MAEA: variants seen among roughly 807,000 people sequenced by gnomAD.
MAEA encodes macrophage erythroblast attacher, E3 ubiquitin ligase.
MAEA carries 22 observed loss-of-function variants against 46.2 expected under a neutral mutation model. The observed-to-expected ratio is 0.48, with a 90% CI of 0.34 to 0.68. The LOEUF is 0.68. Ranked by LOEUF, MAEA falls within the 30% of genes least tolerant of loss-of-function variation. MAEA has a pLI of 0.01. For missense variants in MAEA, 393 were observed against 558.1 expected (o/e 0.70, Z 2.98); for synonymous variants, 246 against 222.6 (o/e 1.11, Z -0.94).
chr4:1,328,266 C>T (rs1395841692), intron 5 of MAEA, among the ~76,000 whole-genome samples: 1 of 152,242 alleles, frequency 6.6e-6, no homozygotes, highest in Non-Finnish European at 1.5e-5. Context: ...TGCTGGCTGT[C>T]ACTGTGGCTC....
At chr4:1,327,416 G>A (rs1160651957) in intron 4 of MAEA, among the ~76,000 whole-genome samples, 1 of 152,222 alleles carries the variant, frequency 6.6e-6, no homozygotes, top group East Asian at 1.9e-4. Flanking sequence ...AGCAGGGGGC[G>A]GGACTCACAT....
intron 4 of MAEA, among the ~76,000 whole-genome samples, chr4:1,324,855 T>C (rs1273593871): frequency 1.4e-5 from 2 of 142,008 alleles, no homozygotes; most frequent in Admixed American, 1.4e-4. Context: ...GTTGGATGAG[T>C]TGAGATTGGA....
intron 1 of MAEA, among the ~76,000 whole-genome samples, chr4:1,299,294 A>T (rs972775069): frequency 1.2e-4 from 18 of 152,260 alleles, no homozygotes; most frequent in Admixed American, 1.2e-3. Flanking sequence ...GTCAGGCCAG[A>T]ACCTTCAGGT....
intron 5 of MAEA, chr4:1,330,323 T>TCTCGTCTCTC: frequency 2.3e-5 from 3 of 129,126 alleles, no homozygotes; most frequent in Non-Finnish European, 2.9e-5. Flanking sequence ...TCTCTCTCTC[T>TCTCGTCTCTC]CTTTCCGTGT....
At chr4:1,310,177 A>T (rs1736312601) in intron 1 of MAEA, among the ~76,000 whole-genome samples, 1 of 134,478 alleles carries the variant, frequency 7.4e-6, no homozygotes. Flanking sequence ...ACACACTCAG[A>T]TAGGGTCTCC....
At chr4:1,328,642 G>A in intron 5 of MAEA, 1 of 1,271,808 alleles carries the variant, frequency 7.9e-7, no homozygotes, top group South Asian at 1.3e-5. Flanking sequence ...AGTGGGCCGG[G>A]TGGCCGAGTG....
chr4:1,314,870 C>T (rs1204366920), intron 2 of MAEA, among the ~76,000 whole-genome samples: 1 of 152,160 alleles, frequency 6.6e-6, no homozygotes, highest in Non-Finnish European at 1.5e-5. Flanking sequence ...TAGTCAGTCG[C>T]CGTGTGTGCT....
At position 1,328,623 on chromosome 4, in the gene MAEA, T is replaced by C. The variant is rs763904494; in HGVS notation, c.656+920T>C. ...ACAGAAACCCGACCGCGACTCCATA[T>C]CCACCTGCAGTGGGCCGGGTGGCCG... On this transcript the variant is annotated intron_variant, in intron 5 of 8. Transcript: ENST00000303400. 12 of 1,247,690 alleles carry C rather than the reference T, an allele frequency of 9.6e-6. No homozygotes were observed. In the East Asian group the frequency reaches 7.0e-4, roughly 72 times the overall value. 77.3% of individuals were successfully genotyped at this position (1,247,690 alleles called of 1,614,324 possible).
intron 4 of MAEA, chr4:1,323,559 A>G (rs555617896): frequency 1.6e-5 from 11 of 702,524 alleles, no homozygotes; most frequent in South Asian, 1.5e-4. Flanking sequence ...AGCTCCCCTA[A>G]AGAGAGTTTG....
intron 4 of MAEA, among the ~76,000 whole-genome samples, chr4:1,326,347 C>T (rs532386243): frequency 4.5e-4 from 69 of 152,366 alleles, no homozygotes; most frequent in African/African-American, 1.5e-3. Context: ...GTGGTGCCCA[C>T]GCCTATATCC....
rs2108957176 is a variant in MAEA at position 1,321,958 on chromosome 4, G to A, written c.457-423G>A. Among the ~76,000 whole-genome samples the A allele has an allele frequency of 2.7e-5, 4 of 150,288 alleles. No homozygotes were observed. The South Asian group carries it at 8.4e-4, about 32-fold the overall frequency. On this transcript the variant is annotated intron_variant, in intron 3 of 8. Coordinates refer to ENST00000303400, the MANE Select transcript of MAEA (RefSeq NM_001017405.3). ...CCATAATGTGTTTATGTATTATTTAGCATGTTATTATTTGCTTACTGTTGA... is the reference window on the plus strand; with the variant it reads ...CCATAATGTGTTTATGTATTATTTAACATGTTATTATTTGCTTACTGTTGA...
chr4:1,312,219 G>A (rs773349581), intron 2 of MAEA, 58 bp downstream of exon 2: 23 of 1,595,802 alleles, frequency 1.4e-5, no homozygotes, highest in South Asian at 1.1e-4. Flanking sequence ...CTTTTGTCTC[G>A]AAAATGAGTC....
At chr4:1,323,173 C>T (rs149850713) in intron 4 of MAEA, among the ~76,000 whole-genome samples, 3,309 of 152,042 alleles carry the variant, frequency 0.022, 119 homozygotes, top group African/African-American at 0.073. Flanking sequence ...TCTTGATCTC[C>T]TGACCTTGTG....
chr4:1,327,133 C>G (rs143432820), intron 4 of MAEA, among the ~76,000 whole-genome samples: 16 of 152,378 alleles, frequency 1.1e-4, no homozygotes, highest in African/African-American at 3.8e-4. Flanking sequence ...ACAGGACTTG[C>G]CCACGTTCTC....
chr4:1,306,773 A>G (rs1011689366), intron 1 of MAEA, among the ~76,000 whole-genome samples: 3 of 152,210 alleles, frequency 2.0e-5, no homozygotes, highest in Non-Finnish European at 2.9e-5. Context: ...TGCCTGTCTC[A>G]AGGATGCAAA....
intron 1 of MAEA, chr4:1,298,149 C>T (rs1297046427): frequency 8.9e-6 from 4 of 449,216 alleles, no homozygotes; most frequent in East Asian, 1.4e-4. Context: ...TCTCCATGAG[C>T]CCCCCATGCC....
intron 1 of MAEA, among the ~76,000 whole-genome samples, chr4:1,297,380 A>G (rs954707143): frequency 5.9e-5 from 9 of 151,294 alleles, no homozygotes; most frequent in African/African-American, 1.7e-4. Flanking sequence ...CATCCTCCCA[A>G]GCGTTTACAC....
At chr4:1,309,503 C>T in intron 1 of MAEA, 1 of 1,339,520 alleles carries the variant, frequency 7.5e-7, no homozygotes, top group Non-Finnish European at 9.6e-7. Flanking sequence ...TCAGCAGCTG[C>T]CCTGCTGGAG....
chr4:1,326,717 C>CGTG, intron 4 of MAEA, among the ~76,000 whole-genome samples: 1 of 152,162 alleles, frequency 6.6e-6, no homozygotes, highest in Middle Eastern at 3.4e-3. Flanking sequence ...GCCCTCCCTT[C>CGTG]ACGCGAGCCG....
Sources: gnomAD v4.1 joint callset for allele counts (sites outside exome capture counted in the v4.1 genomes callset) on GRCh38, gnomAD v4.1.1 for gene constraint, MANE v1.5 for transcripts, NCBI Gene and HGNC (gene_info 2026-07-23, HGNC 2026-07-21) for gene names.